The following COBL variants were observed in gnomAD, a reference collection of about 807,000 sequenced individuals.
COBL encodes protein cordon-bleu.
COBL carries 51 observed loss-of-function variants against 98.8 expected under a neutral mutation model. That is an observed-to-expected ratio of 0.52 (90% CI 0.41 to 0.65). The LOEUF (loss-of-function observed/expected upper bound fraction) is 0.65. Among genes scored for constraint, COBL ranks in the 30% least tolerant of loss-of-function variants. The pLI is 0.00. For missense variants in COBL, 1,617 were observed against 1,617.5 expected (o/e 1.00, Z 0.01); for synonymous variants, 634 against 651.7 (o/e 0.97, Z 0.41).
At chr7:51,224,203 C>T (rs1793942885) in intron 1 of COBL, among the ~76,000 whole-genome samples, 1 of 152,064 alleles carries the variant, frequency 6.6e-6, no homozygotes, top group Non-Finnish European at 1.5e-5. Context: ...GGATGAAGTC[C>T]CTTAAGGATA....
intron 5 of COBL, among the ~76,000 whole-genome samples, chr7:51,138,123 A>G (rs879692686): frequency 1.3e-5 from 2 of 152,220 alleles, no homozygotes; most frequent in Admixed American, 6.5e-5. Flanking sequence ...GACACTGAAT[A>G]TCAACGATGC....
At chr7:51,219,519 G>A (rs1288802791) in intron 2 of COBL, among the ~76,000 whole-genome samples, 1 of 152,128 alleles carries the variant, frequency 6.6e-6, no homozygotes, top group Non-Finnish European at 1.5e-5. Context: ...CTAAGCATCT[G>A]GTGAGCCATC....
At chr7:51,169,344 A>G (rs1787634665) in intron 5 of COBL, among the ~76,000 whole-genome samples, 2 of 152,026 alleles carry the variant, frequency 1.3e-5, no homozygotes, top group African/African-American at 2.4e-5. Flanking sequence ...TGTCCCCCCA[A>G]AATGTATAAA....
chr7:51,147,504 A>G (rs904473302), intron 5 of COBL, among the ~76,000 whole-genome samples: 1 of 152,192 alleles, frequency 6.6e-6, no homozygotes, highest in Admixed American at 6.5e-5. Context: ...TGGCCAGAAC[A>G]GGACCTCGCT....
At chr7:51,290,029 C>T (rs1171940629) in intron 1 of COBL, among the ~76,000 whole-genome samples, 2 of 152,186 alleles carry the variant, frequency 1.3e-5, no homozygotes, top group Admixed American at 6.5e-5. Flanking sequence ...AGAAAAATGG[C>T]AGCTCAGGAA....
chr7:51,256,190 T>C (rs1452981596), intron 1 of COBL, among the ~76,000 whole-genome samples: 3 of 152,156 alleles, frequency 2.0e-5, no homozygotes, highest in African/African-American at 7.2e-5. Context: ...AGCAGTCCTT[T>C]AAATTGACTC....
chr7:51,266,099 G>A (rs1468677541), intron 1 of COBL, among the ~76,000 whole-genome samples: 8 of 152,118 alleles, frequency 5.3e-5, no homozygotes, highest in African/African-American at 1.9e-4. Context: ...AGTGACACAT[G>A]CTGCTAAAAC....
At chr7:51,039,868 T>C (rs76313012) in intron 8 of COBL, among the ~76,000 whole-genome samples, 5,036 of 152,236 alleles carry the variant, frequency 0.033, 255 homozygotes, top group African/African-American at 0.11. Flanking sequence ...AATCTAGATT[T>C]CTGGCTTCTC....
At chr7:51,058,793 T>C (rs952791499) in intron 7 of COBL, among the ~76,000 whole-genome samples, 1 of 152,230 alleles carries the variant, frequency 6.6e-6, no homozygotes, top group Non-Finnish European at 1.5e-5. Context: ...CGTGGGCTGT[T>C]AGAGCGAGTC....
At chr7:51,090,788 T>C (rs945394531) in intron 6 of COBL, among the ~76,000 whole-genome samples, 3 of 152,206 alleles carry the variant, frequency 2.0e-5, no homozygotes, top group Non-Finnish European at 2.9e-5. Flanking sequence ...TCTGTCTCAG[T>C]TGACCAGGAA....
At chr7:51,076,977 A>G (rs1793141841) in intron 7 of COBL, among the ~76,000 whole-genome samples, 2 of 152,242 alleles carry the variant, frequency 1.3e-5, no homozygotes, top group South Asian at 4.1e-4. Context: ...TAACTTGTTA[A>G]TAACCTAATT....
chr7:51,207,816 A>C (rs887469251), intron 2 of COBL, among the ~76,000 whole-genome samples: 26 of 152,290 alleles, frequency 1.7e-4, no homozygotes, highest in Middle Eastern at 3.4e-3. Context: ...TTGGCCTCCC[A>C]AAGTGCCGAG....
chr7:51,255,113 T>C (rs1161217749), intron 1 of COBL, among the ~76,000 whole-genome samples: 1 of 152,238 alleles, frequency 6.6e-6, no homozygotes, highest in Non-Finnish European at 1.5e-5. Context: ...CTGAATATTT[T>C]ACACTATTTC....
chr7:51,069,656 G>A lies in COBL; in HGVS notation c.1096+15510C>T, dbSNP rs538543501. Among the ~76,000 whole-genome samples the A allele has an allele frequency of 7.2e-5, 11 of 152,334 alleles. No homozygotes were observed. The South Asian group carries it at 2.3e-3, about 32-fold the overall frequency. ...AGGATGTGTGTGTGGGCTAGACATGGCAATCTGCCATCCATTTCCATCCTG... is the reference window on the plus strand; with the variant it reads ...AGGATGTGTGTGTGGGCTAGACATGACAATCTGCCATCCATTTCCATCCTG... On this transcript the variant is annotated intron_variant, in intron 7 of 12. Transcript: ENST00000265136.
intron 6 of COBL, among the ~76,000 whole-genome samples, chr7:51,128,155 G>A (rs955225012): frequency 4.6e-5 from 7 of 152,234 alleles, no homozygotes; most frequent in African/African-American, 1.7e-4. Context: ...TAGAGGGAAA[G>A]TGTCCCTGCT....
chr7:51,069,465 G>C (rs1470268668), intron 7 of COBL, among the ~76,000 whole-genome samples: 2 of 152,270 alleles, frequency 1.3e-5, no homozygotes, highest in African/African-American at 2.4e-5. Context: ...GCTCCGCAGT[G>C]CATGGCAAGT....
intron 1 of COBL, among the ~76,000 whole-genome samples, chr7:51,314,773 C>G (rs1287166463): frequency 6.6e-6 from 1 of 152,176 alleles, no homozygotes; most frequent in Non-Finnish European, 1.5e-5. Flanking sequence ...AGGGAAAGAA[C>G]TGAATGCATC....
intron 1 of COBL, among the ~76,000 whole-genome samples, chr7:51,297,513 TC>T (rs1161583006): frequency 6.7e-6 from 1 of 149,666 alleles, no homozygotes; most frequent in African/African-American, 2.5e-5. Flanking sequence ...TGCCTCAGCC[TC>T]CCAAGTAGCT....
At chr7:51,110,436 G>T (rs1298159834) in intron 6 of COBL, among the ~76,000 whole-genome samples, 1 of 152,108 alleles carries the variant, frequency 6.6e-6, no homozygotes, top group Non-Finnish European at 1.5e-5. Context: ...TAAATGACAG[G>T]ATTTCATTTT....
Sources: gnomAD v4.1 joint callset for allele counts (sites outside exome capture counted in the v4.1 genomes callset) on GRCh38, gnomAD v4.1.1 for gene constraint, MANE v1.5 for transcripts, NCBI Gene and HGNC (gene_info 2026-07-23, HGNC 2026-07-21) for gene names.